LEKR1: variants seen among roughly 807,000 people sequenced by gnomAD.
LEKR1 encodes leucine, glutamate and lysine rich 1.
LEKR1 carries 59 observed loss-of-function variants against 72.4 expected under a neutral mutation model. That is an observed-to-expected ratio of 0.82 (90% CI 0.66 to 1.01). The LOEUF (loss-of-function observed/expected upper bound fraction) is 1.01. Among genes scored for constraint, LEKR1 ranks in the 50% least tolerant of loss-of-function variants. The pLI is 0.00. For synonymous variants in LEKR1, 257 were observed against 263.2 expected (o/e 0.98, Z 0.23); for missense variants, 728 against 759.2 (o/e 0.96, Z 0.48).
intron 3 of LEKR1, among the ~76,000 whole-genome samples, chr3:156,860,394 T>G (rs898726884): frequency 8.5e-5 from 13 of 152,154 alleles, no homozygotes; most frequent in Admixed American, 2.6e-4. Flanking sequence ...TCCACAGTAA[T>G]GTAGGCTTGT....
At chr3:156,932,797 G>A (rs566857886) in intron 5 of LEKR1, among the ~76,000 whole-genome samples, 5 of 150,694 alleles carry the variant, frequency 3.3e-5, no homozygotes, top group East Asian at 2.0e-4. Flanking sequence ...TTGGGAGGCC[G>A]CGGCAGGCGG....
chr3:157,037,576 A>G (rs1274474446), intron 12 of LEKR1, among the ~76,000 whole-genome samples: 1 of 152,194 alleles, frequency 6.6e-6, no homozygotes, highest in Non-Finnish European at 1.5e-5. Context: ...GGTGCCTAGT[A>G]CACTTCTGTT....
chr3:156,999,857 G>A (rs755820946), intron 9 of LEKR1, among the ~76,000 whole-genome samples: 1 of 152,192 alleles, frequency 6.6e-6, no homozygotes, highest in Non-Finnish European at 1.5e-5. Flanking sequence ...GGACATTAAC[G>A]TTAATTTAAC....
At chr3:156,930,246 A>G (rs996660815) in intron 5 of LEKR1, among the ~76,000 whole-genome samples, 3 of 152,074 alleles carry the variant, frequency 2.0e-5, no homozygotes, top group Non-Finnish European at 4.4e-5. Context: ...ATAAACATTG[A>G]AAAAAAATGA....
chr3:156,965,979 G>A (rs184567706), intron 6 of LEKR1, among the ~76,000 whole-genome samples: 1 of 152,154 alleles, frequency 6.6e-6, no homozygotes, highest in East Asian at 1.9e-4. Context: ...TAATATATAT[G>A]TATAAATTAT....
At chr3:157,019,236 G>A (rs1267185469) in intron 10 of LEKR1, among the ~76,000 whole-genome samples, 1 of 151,990 alleles carries the variant, frequency 6.6e-6, no homozygotes, top group Non-Finnish European at 1.5e-5. Flanking sequence ...ATTATAACAT[G>A]GTGTTTGGCT....
intron 10 of LEKR1, 63 bp downstream of exon 10, chr3:157,011,569 T>G: frequency 3.6e-6 from 4 of 1,103,792 alleles, no homozygotes; most frequent in Non-Finnish European, 4.2e-6. Context: ...TCTGACCATT[T>G]GTCAGAAGAC....
intron 12 of LEKR1, among the ~76,000 whole-genome samples, chr3:157,039,472 A>T (rs1735197060): frequency 6.6e-6 from 1 of 152,048 alleles, no homozygotes; most frequent in South Asian, 2.1e-4. Context: ...TACAAAAATT[A>T]GCTGGGCATG....
chr3:156,975,924 A>T (rs767057070), intron 6 of LEKR1, among the ~76,000 whole-genome samples: 3 of 152,226 alleles, frequency 2.0e-5, no homozygotes, highest in Non-Finnish European at 2.9e-5. Flanking sequence ...GAGTGACAGA[A>T]AATTAAAGTC....
intron 6 of LEKR1, among the ~76,000 whole-genome samples, chr3:156,968,903 G>C (rs1345243537): frequency 6.6e-6 from 1 of 152,118 alleles, no homozygotes; most frequent in Non-Finnish European, 1.5e-5. Flanking sequence ...AAATGTACAA[G>C]AACAGAAATT....
At chr3:157,006,017 G>A (rs983174189) in intron 9 of LEKR1, among the ~76,000 whole-genome samples, 1 of 79,684 alleles carries the variant, frequency 1.3e-5, no homozygotes, top group Admixed American at 1.3e-4. Flanking sequence ...TTTTTTTTTT[G>A]AGACGGAGTC....
chr3:156,908,023 G>A (rs1017831897), intron 3 of LEKR1, among the ~76,000 whole-genome samples: 4 of 151,890 alleles, frequency 2.6e-5, no homozygotes, highest in East Asian at 1.9e-4. Context: ...TTTGTCTGAT[G>A]TTTACTAATT....
intron 3 of LEKR1, among the ~76,000 whole-genome samples, chr3:156,867,289 A>T: frequency 6.6e-6 from 1 of 152,104 alleles, no homozygotes; most frequent in East Asian, 1.9e-4. Context: ...GAGTAAAAGG[A>T]GGTGCTATCA....
At chr3:156,903,806 ATTG>A (rs981265314) in intron 3 of LEKR1, among the ~76,000 whole-genome samples, 4 of 152,156 alleles carry the variant, frequency 2.6e-5, no homozygotes, top group Admixed American at 2.6e-4. Context: ...GGGATTGCCT[ATTG>A]TTTTCTCTAG....
intron 3 of LEKR1, among the ~76,000 whole-genome samples, chr3:156,856,407 G>T (rs990704873): frequency 2.0e-5 from 3 of 152,124 alleles, no homozygotes; most frequent in Non-Finnish European, 2.9e-5. Flanking sequence ...TTGCCTTTCA[G>T]GTTACCCTGG....
intron 2 of LEKR1, among the ~76,000 whole-genome samples, chr3:156,842,029 T>C (rs1051413045): frequency 3.9e-5 from 6 of 152,196 alleles, no homozygotes; most frequent in Non-Finnish European, 1.5e-5. Context: ...TTCTAGGTTG[T>C]GTGCTGCTTA....
chr3:156,996,777 C>G (rs1370663286), intron 9 of LEKR1, among the ~76,000 whole-genome samples: 2 of 152,104 alleles, frequency 1.3e-5, no homozygotes, highest in East Asian at 3.9e-4. Context: ...TTAAAAAGAT[C>G]TTCTCATTCG....
At chr3:156,848,363 A>G (rs1473777393) in intron 2 of LEKR1, among the ~76,000 whole-genome samples, 3 of 152,198 alleles carry the variant, frequency 2.0e-5, no homozygotes, top group Non-Finnish European at 4.4e-5. Flanking sequence ...CTTAATTTCA[A>G]TCCTAGACAA....
intron 3 of LEKR1, among the ~76,000 whole-genome samples, chr3:156,873,092 A>G (rs972723419): frequency 6.6e-6 from 1 of 152,000 alleles, no homozygotes; most frequent in Non-Finnish European, 1.5e-5. Context: ...AATTTGCTTT[A>G]TATACCTGGG....
Sources: gnomAD v4.1 joint callset for allele counts (sites outside exome capture counted in the v4.1 genomes callset) on GRCh38, gnomAD v4.1.1 for gene constraint, MANE v1.5 for transcripts, NCBI Gene and HGNC (gene_info 2026-07-23, HGNC 2026-07-21) for gene names.